The following CARD19 variants were observed in gnomAD, a reference collection of about 807,000 sequenced individuals.
The protein encoded by CARD19 is caspase recruitment domain-containing protein 19.
In CARD19, 25 loss-of-function variants were observed where a neutral mutation model predicts 24.1. The ratio of observed to expected loss-of-function variants is 1.04; its 90% confidence interval spans 0.76 to 1.45. The LOEUF (loss-of-function observed/expected upper bound fraction) is 1.45. Among genes scored for constraint, CARD19 ranks in the 40% most tolerant of loss-of-function variants. The pLI is 0.00. For synonymous variants in CARD19, 103 were observed against 104.9 expected (o/e 0.98, Z 0.11); for missense variants, 241 against 247.4 (o/e 0.97, Z 0.17).
intron 4 of CARD19, 42 bp downstream of exon 4, chr9:93,111,980 TC>T (rs746788951): frequency 6.3e-7 from 1 of 1,587,288 alleles, no homozygotes; most frequent in Non-Finnish European, 8.6e-7. Flanking sequence ...TCCCTCTCTC[TC>T]CCTCTCTCTT....
In CARD19 at chr9:93,096,474, C is replaced by CA; in HGVS notation, c.7+122_7+123insA. On this transcript the variant is annotated intron_variant, in intron 1 of 5. Coordinates refer to ENST00000375464, the MANE Select transcript of CARD19 (RefSeq NM_032310.5). This position sits in a 1 kb window ranked among gnomAD's most constrained non-coding sequence, Gnocchi z 5.4. ...CGCCTGGGCAGCGGGGGCCGAGTGA[C>CA]CTTGGCCCGTCAGCTGTCGGTGGTG... 4 of 932,912 alleles carry CA rather than the reference C, an allele frequency of 4.3e-6. No homozygotes were observed. The highest frequency in any genetic ancestry group is 5.6e-6 in the Non-Finnish European group (4 of 719,198). The allele number at this position is 932,912 out of a possible 1,614,324, so 57.8% of individuals were successfully genotyped here. A position where few individuals can be genotyped will look rare whatever the true frequency, so the allele number is the denominator to read the frequency against.
At chr9:93,107,860 C>T (rs1486432384) in intron 2 of CARD19, 44 bp downstream of exon 2, 1 of 1,612,130 alleles carries the variant, frequency 6.2e-7, no homozygotes, top group Non-Finnish European at 8.5e-7. Context: ...TGCTCAGTTT[C>T]CCTTCCTTTC....
intron 5 of CARD19, 59 bp from the exon 6 acceptor site, chr9:93,112,933 A>G (rs1827557458): frequency 8.0e-7 from 1 of 1,244,676 alleles, no homozygotes. Flanking sequence ...AGGGATGGAA[A>G]CACAGAATTC....
At chr9:93,112,000 C>T (rs1462474705) in intron 4 of CARD19, 62 bp downstream of exon 4, 4 of 1,556,490 alleles carry the variant, frequency 2.6e-6, no homozygotes, top group South Asian at 2.3e-5. Flanking sequence ...TTTACCCTCC[C>T]CAGGGCTCCA....
In CARD19 at chr9:93,112,981, T is replaced by A. The variant is rs1243400539; in HGVS notation, c.437-11T>A. The A allele has an allele frequency of 6.3e-7, 1 of 1,590,984 alleles. No homozygotes were observed. Among genetic ancestry groups the A allele is most frequent in the Non-Finnish European group, 8.6e-7 (1 of 1,164,598 alleles). ...GGTTCTTGAGCTTTTGCCTCCCCTT[T>A]TGTCTTCTAGACCCCAAGGGCCTGC... On this transcript the variant is annotated splice_polypyrimidine_tract_variant and intron_variant, in intron 5 of 5. Coordinates refer to ENST00000375464, the MANE Select transcript of CARD19 (RefSeq NM_032310.5).
At chr9:93,106,425 A>AAAT (rs1247036033) in intron 1 of CARD19, among the ~76,000 whole-genome samples, 5 of 150,496 alleles carry the variant, frequency 3.3e-5, no homozygotes, top group Non-Finnish European at 7.4e-5. Context: ...AAAAAAAAAA[A>AAAT]AAAAATACAA....
intron 1 of CARD19, among the ~76,000 whole-genome samples, chr9:93,099,248 A>C (rs550489522): frequency 1.2e-4 from 19 of 152,280 alleles, no homozygotes; most frequent in Non-Finnish European, 2.6e-4. Flanking sequence ...GTGAGCACCT[A>C]CTGGGTGCTC....
chr9:93,110,359 T>G, intron 2 of CARD19: 1 of 726,006 alleles, frequency 1.4e-6, no homozygotes, highest in Non-Finnish European at 2.2e-6. Context: ...ACAGGGAGTA[T>G]GAGGAGTAGC....
chr9:93,112,194 CTG>C, intron 4 of CARD19, 22 bp from the exon 5 acceptor site: 1 of 1,543,086 alleles, frequency 6.5e-7, no homozygotes, highest in African/African-American at 1.4e-5. Context: ...CAGGGGAGCC[CTG>C]TTCACGCTGG....
chr9:93,097,059 G>C (rs982053885), intron 1 of CARD19, among the ~76,000 whole-genome samples: 1 of 152,220 alleles, frequency 6.6e-6, no homozygotes, highest in African/African-American at 2.4e-5. Context: ...ATCCCAAACA[G>C]GGTGACTCTG....
At chr9:93,097,540 A>G (rs1826924577) in intron 1 of CARD19, among the ~76,000 whole-genome samples, 1 of 152,202 alleles carries the variant, frequency 6.6e-6, no homozygotes, top group Non-Finnish European at 1.5e-5. Flanking sequence ...AGATGGGGAA[A>G]CAAAGTCTTA....
rs1312337279 is a variant in CARD19, at chr9:93,110,326, C to T, written c.151-242C>T. On this transcript the variant is annotated intron_variant, in intron 2 of 5. Transcript: ENST00000375464. ...ATGCTTTCTTTGTGACCACTCCCAG[C>T]CTGTTTCCCAACCTCCCACCCCACA... 5 of 597,060 alleles carry T rather than the reference C, an allele frequency of 8.4e-6. No individual in the cohort carries two copies. The Admixed American group carries it at 1.7e-4, about 20-fold the overall frequency. 37.0% of individuals were successfully genotyped at this position (597,060 alleles called of 1,614,324 possible). A position where few individuals can be genotyped will look rare whatever the true frequency, so the allele number is the denominator to read the frequency against.
Position 93,100,149 on chromosome 9 carries a change from T to C in CARD19, c.7+3797T>C, listed in dbSNP as rs1156730916. ...AGGGCCCCACGGAGCATGGCTGCTTTTGGGGTGGGTCCACATTCTGGGGTA... is the reference window on the plus strand; with the variant it reads ...AGGGCCCCACGGAGCATGGCTGCTTCTGGGGTGGGTCCACATTCTGGGGTA... On this transcript the variant is annotated intron_variant, in intron 1 of 5. Coordinates refer to ENST00000375464, the MANE Select transcript of CARD19 (RefSeq NM_032310.5). 5.3e-5 allele frequency among the ~76,000 whole-genome samples: 8 copies of C among 152,196 alleles called. No individual in the cohort carries two copies. In the East Asian group the frequency reaches 1.5e-3, roughly 29 times the overall value.
chr9:93,097,844 C>T (rs1587631413), intron 1 of CARD19, among the ~76,000 whole-genome samples: 2 of 152,258 alleles, frequency 1.3e-5, no homozygotes, highest in East Asian at 3.8e-4. Context: ...CCAGTGTATG[C>T]TTCCTACCTG....
chr9:93,105,441 C>T (rs59780701), intron 1 of CARD19, among the ~76,000 whole-genome samples: 13,946 of 152,048 alleles, frequency 0.092, 714 homozygotes, highest in South Asian at 0.17. Context: ...CCAACATGCC[C>T]GGCTAAGTTT....
rs548405893 is a variant in CARD19 at position 93,110,448 on chromosome 9, A to G, written c.151-120A>G. The stretch of plus-strand genomic sequence containing the variant: ...CAGGTTGTCACAGGAGCTGCCATCC[A>G]GCAGGTGTCCTGACACCCAACAGGG... On this transcript the variant is annotated intron_variant, in intron 2 of 5. Coordinates refer to ENST00000375464, the MANE Select transcript of CARD19 (RefSeq NM_032310.5). 2.3e-4 allele frequency: 336 copies of G among 1,479,550 alleles called. 4 individuals carry two copies. The South Asian group carries it at 3.4e-3, about 15-fold the overall frequency. The allele number at this position is 1,479,550 out of a possible 1,614,324, so 91.7% of individuals were successfully genotyped here. A position where few individuals can be genotyped will look rare whatever the true frequency, so the allele number is the denominator to read the frequency against.
At chr9:93,110,983 A>G (rs1471817416) in intron 3 of CARD19, 1 of 1,508,278 alleles carries the variant, frequency 6.6e-7, no homozygotes, top group South Asian at 1.2e-5. Context: ...GGCAGTTTTC[A>G]CACAGCATGG....
At chr9:93,097,113 G>A (rs1826901116) in intron 1 of CARD19, among the ~76,000 whole-genome samples, 2 of 152,194 alleles carry the variant, frequency 1.3e-5, no homozygotes, top group Non-Finnish European at 2.9e-5. Context: ...TGAGGGTGAT[G>A]GGCTGGTAAG....
Position 93,107,762 on chromosome 9 carries a change from C to T in CARD19, c.96C>T (p.Ile32=), listed in dbSNP as rs1282343067. ...GTGAGCAGCAGGTGGACAGGATCAT[C>T]CTCCAGCTGAACCGTTACTACCCAC... is the stretch of plus-strand genomic sequence containing the variant. The part of the protein sequence containing the change: ...RLSEQQVDRI[I]LQLNRYYPQI... The change falls in exon 2 of 6, where the codon ATC becomes ATT. Residue 32 remains isoleucine (I), a synonymous_variant. Coordinates refer to ENST00000375464, the MANE Select transcript of CARD19 (RefSeq NM_032310.5). The T allele has an allele frequency of 6.2e-7, 1 of 1,614,242 alleles. No homozygotes were observed. Among genetic ancestry groups the T allele is most frequent in the Non-Finnish European group, 8.5e-7 (1 of 1,180,038 alleles).
Sources: allele counts gnomAD v4.1 joint callset (sites outside exome capture counted in the v4.1 genomes callset), GRCh38; gene constraint gnomAD v4.1.1; non-coding constraint Gnocchi (gnomAD v3.1); transcripts MANE v1.5; gene names NCBI Gene and HGNC (gene_info 2026-07-23, HGNC 2026-07-21).